The following CYP2C18 variants were observed in gnomAD, a reference collection of about 807,000 sequenced individuals.
The protein encoded by CYP2C18 is cytochrome P450 family 2 subfamily C member 18, also known as cytochrome P450 2C18.
CYP2C18 carries 38 observed loss-of-function variants against 41.3 expected under a neutral mutation model. That is an observed-to-expected ratio of 0.92 (90% CI 0.71 to 1.21). The LOEUF is 1.21. Ranked by LOEUF, CYP2C18 falls within the 50% of genes most tolerant of loss-of-function variation. The pLI, the probability that CYP2C18 is intolerant of heterozygous loss-of-function variation, is 0.00. For synonymous variants in CYP2C18, 236 were observed against 210.0 expected (o/e 1.12, Z -1.07); for missense variants, 635 against 591.4 (o/e 1.07, Z -0.77).
chr10:94,691,900 C>A (rs1195971470), intron 3 of CYP2C18, among the ~76,000 whole-genome samples: 1 of 152,068 alleles, frequency 6.6e-6, no homozygotes, highest in Non-Finnish European at 1.5e-5. Context: ...CTTTGTCAAA[C>A]CTGACAAAAA....
intron 4 of CYP2C18, among the ~76,000 whole-genome samples, chr10:94,700,487 A>G (rs1186796299): frequency 9.9e-5 from 15 of 152,244 alleles, no homozygotes; most frequent in Admixed American, 9.8e-4. Context: ...GATGGATTCA[A>G]TACTTAAATG....
intron 5 of CYP2C18, among the ~76,000 whole-genome samples, chr10:94,718,120 AT>A (rs1160394634): frequency 6.6e-6 from 1 of 151,760 alleles, no homozygotes; most frequent in African/African-American, 2.4e-5. Flanking sequence ...TGTCTTCTTC[AT>A]TTTTTTAATT....
chr10:94,731,453 C>G lies in CYP2C18; in HGVS notation c.1150-1844C>G, dbSNP rs117505194. 2.5e-3 allele frequency among the ~76,000 whole-genome samples: 382 copies of G among 151,798 alleles called. 13 individuals are homozygous for G. The East Asian group carries it at 0.062, about 25-fold the overall frequency. Reference sequence around the variant, plus strand: ...CTACTGATTCAATGCTATTCCTATCCGACTACCAGTGTCTCTTCTAAAATT... The same window carrying G: ...CTACTGATTCAATGCTATTCCTATCGGACTACCAGTGTCTCTTCTAAAATT... On this transcript the variant is annotated intron_variant, in intron 7 of 8. Transcript: ENST00000285979.
Position 94,706,955 on chromosome 10 carries a change from G to A in CYP2C18, c.814G>A (p.Glu272Lys), listed in dbSNP as rs774541514. ...DFIDCFLIKM[E>K]QEKHNQQSEF... ...TATTGATTGTTTCCTGATCAAAATG[G>A]AACAGGTAAAATGTTATTTGTTTGC... Residue 272 changes from glutamate (E) to lysine (K), a missense_variant, in exon 5 of 9, where the codon GAA (glutamate) becomes AAA (lysine). By Grantham distance (56) the Glu-to-Lys change is moderately conservative (BLOSUM62 1). Coordinates refer to ENST00000285979, the MANE Select transcript of CYP2C18 (RefSeq NM_000772.3). 5.6e-6 allele frequency: 9 copies of A among 1,606,004 alleles called. No homozygotes were observed. In the East Asian group the frequency reaches 2.0e-4, roughly 36 times the overall value.
At chr10:94,690,318 T>C (rs1449069668) in intron 3 of CYP2C18, among the ~76,000 whole-genome samples, 2 of 152,184 alleles carry the variant, frequency 1.3e-5, no homozygotes, top group Non-Finnish European at 2.9e-5. Context: ...TGATTTTTAT[T>C]ATCTCCCTGA....
chr10:94,722,207 G>A (rs530946432), intron 6 of CYP2C18, among the ~76,000 whole-genome samples: 16 of 152,262 alleles, frequency 1.1e-4, no homozygotes, highest in African/African-American at 3.9e-4. Context: ...AGCAGAAAAT[G>A]TGCCTGAGGA....
In CYP2C18 at chr10:94,733,392, G is replaced by A. The variant is rs267602630; in HGVS notation, c.1245G>A (p.Lys415=). 8.1e-6 allele frequency: 13 copies of A among 1,613,242 alleles called. No homozygotes were observed. The Admixed American group carries it at 1.5e-4, about 19-fold the overall frequency. The change falls in exon 8 of 9, where the codon AAG becomes AAA. Residue 415 remains lysine (K), a synonymous_variant. Coordinates refer to ENST00000285979, the MANE Select transcript of CYP2C18 (RefSeq NM_000772.3). ...TTGACCCTGGCCACTTTCTGGATAAGAGTGGCAACTTTAAGAAAAGTGACT... is the reference window on the plus strand; with the variant it reads ...TTGACCCTGGCCACTTTCTGGATAAAAGTGGCAACTTTAAGAAAAGTGACT... The part of the protein sequence containing the change: ...EMFDPGHFLD[K]SGNFKKSDYF...
rs1457939716 is a variant in CYP2C18 at position 94,735,412 on chromosome 10, C to A, written c.1441C>A (p.Pro481Thr). 4 of 1,613,650 alleles carry A rather than the reference C, an allele frequency of 2.5e-6. No individual in the cohort carries two copies. Among genetic ancestry groups the A allele is most frequent in the Non-Finnish European group, 3.4e-6 (4 of 1,179,652 alleles). ...PIANAFGRVP[P>T]LYQLCFIPV ...TGCCAATGCATTTGGTCGTGTGCCA[C>A]CCTTGTACCAGCTCTGCTTCATTCC... The change falls in exon 9 of 9, where the codon CCC becomes ACC. Residue 481 changes from proline (P) to threonine (T), a missense_variant. Coordinates refer to ENST00000285979, the MANE Select transcript of CYP2C18 (RefSeq NM_000772.3).
In CYP2C18 at chr10:94,694,518, T is replaced by A. The variant is rs576871814; in HGVS notation, c.482-399T>A. 3.3e-5 allele frequency among the ~76,000 whole-genome samples: 5 copies of A among 152,324 alleles called. No individual in the cohort carries two copies. The South Asian group carries it at 8.3e-4, about 25-fold the overall frequency. ...AAGATGTTTTCTGGTTCCTATTTTC[T>A]CCCTTCCTCTATCAATCAATTGTCT... On this transcript the variant is annotated intron_variant, in intron 3 of 8. Transcript: ENST00000285979.
At chr10:94,700,322 C>T (rs1281462714) in intron 4 of CYP2C18, among the ~76,000 whole-genome samples, 2 of 152,220 alleles carry the variant, frequency 1.3e-5, no homozygotes, top group Middle Eastern at 3.4e-3. Context: ...GAAATAATGC[C>T]ACATATCTAC....
intron 5 of CYP2C18, among the ~76,000 whole-genome samples, chr10:94,713,572 G>A (rs1218357156): frequency 1.3e-5 from 2 of 152,104 alleles, no homozygotes; most frequent in Non-Finnish European, 2.9e-5. Flanking sequence ...TCTTAATCCA[G>A]TCTATCACTG....
chr10:94,698,318 T>G (rs1429681460), intron 4 of CYP2C18, among the ~76,000 whole-genome samples: 1 of 152,110 alleles, frequency 6.6e-6, no homozygotes, highest in East Asian at 1.9e-4. Flanking sequence ...GAACTCAGGA[T>G]TAAGAAACTC....
Position 94,735,243 on chromosome 10 carries a change from C to T in CYP2C18, c.1292-20C>T. 5.6e-6 allele frequency: 9 copies of T among 1,612,140 alleles called. No homozygotes were observed. The highest frequency in any genetic ancestry group is 7.6e-6 in the Non-Finnish European group (9 of 1,178,658). ...GACCTAATGTTCAAGGAACAAATCCCCTATGTCTCTTATTTTCAGGAAAAC... is the reference window on the plus strand; with the variant it reads ...GACCTAATGTTCAAGGAACAAATCCTCTATGTCTCTTATTTTCAGGAAAAC... On this transcript the variant is annotated intron_variant, in intron 8 of 8. Coordinates refer to ENST00000285979, the MANE Select transcript of CYP2C18 (RefSeq NM_000772.3).
rs568822332 is a variant in CYP2C18 at position 94,689,519 on chromosome 10, C to T, written c.481+1245C>T. ...CCAGAGCCAGAGTCCCATCCACCTT[C>T]TTTACCAAACTCTCACACATGAATC... On this transcript the variant is annotated intron_variant, in intron 3 of 8. Coordinates refer to ENST00000285979, the MANE Select transcript of CYP2C18 (RefSeq NM_000772.3). Among the ~76,000 whole-genome samples, 4 of 152,230 alleles carry T rather than the reference C, an allele frequency of 2.6e-5. No homozygotes were observed. The South Asian group carries it at 8.3e-4, about 32-fold the overall frequency.
intron 7 of CYP2C18, among the ~76,000 whole-genome samples, chr10:94,728,349 C>G (rs550737120): frequency 1.3e-5 from 2 of 151,692 alleles, no homozygotes; most frequent in African/African-American, 4.9e-5. Context: ...TCTGCTAGGT[C>G]TCTCCATTGT....
chr10:94,731,104 G>A (rs1847824042), intron 7 of CYP2C18, among the ~76,000 whole-genome samples: 1 of 152,130 alleles, frequency 6.6e-6, no homozygotes. Flanking sequence ...TACTGGGCCA[G>A]GTGCGGTGGC....
intron 8 of CYP2C18, among the ~76,000 whole-genome samples, chr10:94,734,671 A>G (rs1385208974): frequency 2.0e-5 from 3 of 152,150 alleles, no homozygotes; most frequent in African/African-American, 7.2e-5. Flanking sequence ...GGATATGCCT[A>G]GAGCTGAGAG....
intron 8 of CYP2C18, 157 bp downstream of exon 8, chr10:94,733,595 A>T (rs964569203): frequency 1.2e-5 from 12 of 985,164 alleles, no homozygotes. Context: ...GCTGATGAAC[A>T]TCCCCATTAT....
intron 4 of CYP2C18, among the ~76,000 whole-genome samples, chr10:94,699,529 T>C (rs1847192020): frequency 6.6e-6 from 1 of 152,190 alleles, no homozygotes; most frequent in Non-Finnish European, 1.5e-5. Flanking sequence ...TCATACCGAA[T>C]GGGCACAAAC....
Sources: gnomAD v4.1 joint callset for allele counts (sites outside exome capture counted in the v4.1 genomes callset) on GRCh38, gnomAD v4.1.1 for gene constraint, MANE v1.5 for transcripts, NCBI Gene and HGNC (gene_info 2026-07-23, HGNC 2026-07-21) for gene names.